Variants in F11 observed in about 807,000 individuals in gnomAD.
F11 encodes coagualtion factor XI.
A neutral mutation model predicts 76.5 loss-of-function variants in F11; 78 were observed. The observed-to-expected ratio is 1.02, with a 90% CI of 0.85 to 1.23. F11 has a LOEUF of 1.23. Ranked by LOEUF, F11 falls within the 50% of genes most tolerant of loss-of-function variation. The probability of loss-of-function intolerance (pLI) is 0.00; values close to 1 mark genes in which losing one functional copy is unlikely to be tolerated. For missense variants in F11, 742 were observed against 771.4 expected, an observed-to-expected ratio of 0.96 and a Z score of 0.45; for synonymous variants, 278 against 276.3, an observed-to-expected ratio of 1.01 and a Z score of -0.06.
rs766137229 is a variant in F11 at position 186,274,135 on chromosome 4, T to C, written c.345T>C (p.Tyr115=). The C allele has an allele frequency of 3.0e-5, 48 of 1,614,054 alleles. No individual in the cohort carries two copies. The highest frequency in any genetic ancestry group is 4.0e-5 in the Non-Finnish European group (47 of 1,180,036). ...TTCCAGCTTGCAACAAAGACATTTA[T>C]GTGGACCTAGACATGAAGGGCATAA... The part of the protein sequence containing the change: ...HQISACNKDI[Y]VDLDMKGINY... Residue 115 remains tyrosine, a synonymous_variant, in exon 5 of 15, where the codon TAT becomes TAC. Transcript: ENST00000403665.
intron 2 of F11, among the ~76,000 whole-genome samples, chr4:186,269,653 T>C (rs1366682849): frequency 6.6e-6 from 1 of 152,116 alleles, no homozygotes; most frequent in Non-Finnish European, 1.5e-5. Context: ...GCTGGCGAAG[T>C]TGAAAAGTTC....
intron 7 of F11, among the ~76,000 whole-genome samples, chr4:186,277,572 G>A (rs1740478275): frequency 6.6e-6 from 1 of 152,070 alleles, no homozygotes; most frequent in Non-Finnish European, 1.5e-5. Flanking sequence ...ATTGAACCAG[G>A]AACAGAAAGA....
chr4:186,276,245 A>G lies in F11; in HGVS notation c.610A>G (p.Ile204Val). 3 of 1,613,984 alleles carry G rather than the reference A, an allele frequency of 1.9e-6. No homozygotes were observed. Among genetic ancestry groups the G allele is most frequent in the Non-Finnish European group, 2.5e-6 (3 of 1,180,004 alleles). ...ALSNLACIRDIFPNTVFADSN... is the reference protein window; with the variant it reads ...ALSNLACIRDVFPNTVFADSN... Reference sequence around the variant, plus strand: ...CCGTCGCGCAGCTTGTATTAGGGACATTTTCCCTAATACGGTGTTTGCAGA... The same window carrying G: ...CCGTCGCGCAGCTTGTATTAGGGACGTTTTCCCTAATACGGTGTTTGCAGA... Residue 204 changes from isoleucine to valine, a missense_variant, in exon 7 of 15, where the codon ATT becomes GTT. Coordinates refer to ENST00000403665, the MANE Select transcript of F11 (RefSeq NM_000128.4).
chr4:186,274,581 G>A (rs1740230872), intron 5 of F11: 1 of 396,892 alleles, frequency 2.5e-6, no homozygotes, highest in Non-Finnish European at 4.7e-6. Flanking sequence ...GATTGTCAGT[G>A]CCCTTCCCAG....
intron 5 of F11, chr4:186,275,087 T>A (rs568000138): frequency 2.3e-6 from 1 of 431,066 alleles, no homozygotes; most frequent in Admixed American, 2.6e-5. Flanking sequence ...GTAAGGCTTA[T>A]CTTTAGCTCA....
rs140415047 is a variant in F11 at position 186,270,234 on chromosome 4, G to A, written c.56-1375G>A. 4.7e-3 allele frequency among the ~76,000 whole-genome samples: 709 copies of A among 152,264 alleles called. 11 individuals carry two copies. The highest frequency in any genetic ancestry group is 0.03 in the Admixed American group (456 of 15,288). On this transcript the variant is annotated intron_variant, in intron 2 of 14. Coordinates refer to ENST00000403665, the MANE Select transcript of F11 (RefSeq NM_000128.4). ...AATATACAACAGCAAGCACTTGCTC[G>A]TTCGCAAAAGCAGATGAACTAGTTT...
chr4:186,287,429 C>G (rs905978179), intron 13 of F11, among the ~76,000 whole-genome samples: 5 of 150,880 alleles, frequency 3.3e-5, no homozygotes, highest in African/African-American at 1.2e-4. Context: ...ACTAAAAATA[C>G]AAAAATTAGC....
Position 186,280,125 on chromosome 4 carries a change from A to T in F11, c.865+4A>T. 1 of 1,614,084 alleles carries T rather than the reference A, an allele frequency of 6.2e-7. No individual in the cohort carries two copies. The highest frequency in any genetic ancestry group is 1.1e-5 in the South Asian group (1 of 91,086). ...AGCTGCAGGCACAGCATCCCAGGTA[A>T]ACTGAGAGTTCTGCATTCTGGCTGA... On this transcript the variant is annotated splice_donor_region_variant and intron_variant, in intron 8 of 14. Coordinates refer to ENST00000403665, the MANE Select transcript of F11 (RefSeq NM_000128.4).
intron 2 of F11, among the ~76,000 whole-genome samples, chr4:186,270,645 T>A (rs545524572): frequency 6.0e-4 from 43 of 72,190 alleles, no homozygotes; most frequent in Non-Finnish European, 1.1e-3. Flanking sequence ...AATTAGTGCA[T>A]GATGCACACA....
rs148084902 is a variant in F11, at chr4:186,285,886, C to T, written c.1480+73C>T. On this transcript the variant is annotated intron_variant, in intron 12 of 14. Coordinates refer to ENST00000403665, the MANE Select transcript of F11 (RefSeq NM_000128.4). ...AAAATGTTTAACACTACTAGACTTA[C>T]GGCCTGACCCTGCCAATCTCTCCAT... is the stretch of plus-strand genomic sequence containing the variant. The T allele has an allele frequency of 6.1e-4, 908 of 1,492,348 alleles. 8 individuals are homozygous for T. In the East Asian group the frequency reaches 0.015, roughly 25 times the overall value. The allele number at this position is 1,492,348 out of a possible 1,614,324, so 92.4% of individuals were successfully genotyped here. A position where few individuals can be genotyped will look rare whatever the true frequency, so the allele number is the denominator to read the frequency against.
Position 186,276,226 on chromosome 4 carries a change from C to A in F11, c.596-5C>A. ...AGTCCCTGACATAGTTCTTCCGTCG[C>A]GCAGCTTGTATTAGGGACATTTTCC... On this transcript the variant is annotated splice_polypyrimidine_tract_variant and splice_region_variant and intron_variant, in intron 6 of 14. Transcript: ENST00000403665. 1 of 1,614,090 alleles carries A rather than the reference C, an allele frequency of 6.2e-7. No homozygotes were observed. The highest frequency in any genetic ancestry group is 8.5e-7 in the Non-Finnish European group (1 of 1,180,006).
At chr4:186,279,582 CT>C (rs1037972318) in intron 7 of F11, among the ~76,000 whole-genome samples, 1 of 152,078 alleles carries the variant, frequency 6.6e-6, no homozygotes, top group Admixed American at 6.6e-5. Flanking sequence ...AAAAGTCACT[CT>C]TTTCCAGGAA....
chr4:186,267,828 T>C (rs1399527767), intron 2 of F11, among the ~76,000 whole-genome samples: 1 of 152,232 alleles, frequency 6.6e-6, no homozygotes, highest in Non-Finnish European at 1.5e-5. Flanking sequence ...ATTTTAAGCA[T>C]AGTAAATTCT....
In F11 at chr4:186,280,060, C is replaced by T. The variant is rs1295896415; in HGVS notation, c.804C>T (p.Arg268=). ...KTSESGLPST[R]IKKSKALSGF... The stretch of plus-strand genomic sequence containing the variant: ...CTGAGAGTGGATTGCCCAGTACACG[C>T]ATTAAAAAGAGCAAAGCTCTTTCTG... Residue 268 remains arginine, a synonymous_variant, in exon 8 of 15, where the codon CGC becomes CGT. Coordinates refer to ENST00000403665, the MANE Select transcript of F11 (RefSeq NM_000128.4). The T allele has an allele frequency of 5.6e-6, 9 of 1,614,006 alleles. No individual in the cohort carries two copies. Among genetic ancestry groups the T allele is most frequent in the Non-Finnish European group, 7.6e-6 (9 of 1,180,014 alleles).
chr4:186,281,527 A>C (rs974027182), intron 10 of F11, among the ~76,000 whole-genome samples: 1 of 152,210 alleles, frequency 6.6e-6, no homozygotes, highest in Non-Finnish European at 1.5e-5. Flanking sequence ...CCAATTTCTG[A>C]GCATAGTCAC....
At chr4:186,269,213 A>G (rs912710502) in intron 2 of F11, among the ~76,000 whole-genome samples, 2 of 152,256 alleles carry the variant, frequency 1.3e-5, no homozygotes, top group African/African-American at 4.8e-5. Context: ...TTGATTTAAC[A>G]TTCAAAAATC....
intron 1 of F11, among the ~76,000 whole-genome samples, chr4:186,266,525 G>A (rs773417472): frequency 3.5e-4 from 53 of 152,138 alleles, no homozygotes; most frequent in Non-Finnish European, 5.9e-4. Flanking sequence ...AGCGTTTTAC[G>A]AGTTAAAAAG....
intron 4 of F11, 77 bp downstream of exon 4, chr4:186,273,254 TATGAA>T: frequency 8.5e-7 from 1 of 1,180,036 alleles, no homozygotes; most frequent in Non-Finnish European, 1.3e-6. Flanking sequence ...GTTTTAAGGC[TATGAA>T]ATGAAACACT....
At chr4:186,267,244 A>G (rs1580060204) in intron 2 of F11, 53 bp downstream of exon 2, 9 of 1,032,320 alleles carry the variant, frequency 8.7e-6, no homozygotes, top group African/African-American at 1.6e-5. Context: ...TCACACTGCA[A>G]TCTCCACACA....
Sources: gnomAD v4.1 joint callset for allele counts (sites outside exome capture counted in the v4.1 genomes callset) on GRCh38, gnomAD v4.1.1 for gene constraint, MANE v1.5 for transcripts, NCBI Gene and HGNC (gene_info 2026-07-23, HGNC 2026-07-21) for gene names.